NUDT3: variants seen among roughly 807,000 people sequenced by gnomAD.
NUDT3 encodes diphosphoinositol polyphosphate phosphohydrolase 1.
A neutral mutation model predicts 23.6 loss-of-function variants in NUDT3; 9 were observed. The ratio of observed to expected loss-of-function variants is 0.38; its 90% CI spans 0.23 to 0.66. The LOEUF (loss-of-function observed/expected upper bound fraction) is 0.66, where lower values mean the gene tolerates loss of function less well. Among genes scored for constraint, NUDT3 ranks in the 30% least tolerant of loss-of-function variants. The probability of loss-of-function intolerance (pLI) is 0.52; values close to 1 mark genes in which losing one functional copy is unlikely to be tolerated. For synonymous variants in NUDT3, 86 were observed against 82.6 expected (o/e 1.04, Z -0.22); for missense variants, 172 against 218.5 (o/e 0.79, Z 1.34).
intron 1 of NUDT3, among the ~76,000 whole-genome samples, chr6:34,362,260 G>C (rs915620291): frequency 2.6e-5 from 4 of 152,206 alleles, no homozygotes; most frequent in African/African-American, 4.8e-5. Context: ...CCTCAGGCTA[G>C]AGTGCAGTGG....
intron 1 of NUDT3, among the ~76,000 whole-genome samples, chr6:34,366,895 TA>T (rs1317209686): frequency 1.3e-5 from 2 of 151,346 alleles, no homozygotes; most frequent in East Asian, 2.0e-4. Context: ...TTACCACAAT[TA>T]AAAAAAAATT....
intron 1 of NUDT3, among the ~76,000 whole-genome samples, chr6:34,353,083 G>A (rs974436736): frequency 3.3e-5 from 5 of 152,066 alleles, no homozygotes; most frequent in African/African-American, 1.2e-4. Context: ...TGTCCCAAGA[G>A]GCACTTCTTG....
chr6:34,346,881 G>GT (rs1561913799), intron 1 of NUDT3, among the ~76,000 whole-genome samples: 1 of 152,080 alleles, frequency 6.6e-6, no homozygotes, highest in African/African-American at 2.4e-5. Context: ...TCAGCCTCCC[G>GT]AGTAGCTGGG....
intron 1 of NUDT3, among the ~76,000 whole-genome samples, chr6:34,376,828 T>C (rs952427964): frequency 1.3e-5 from 2 of 152,034 alleles, no homozygotes; most frequent in Non-Finnish European, 2.9e-5. Context: ...CTCCTCATTA[T>C]CTCAAATCAA....
chr6:34,326,428 A>G (rs1433246176), intron 2 of NUDT3, among the ~76,000 whole-genome samples: 2 of 152,226 alleles, frequency 1.3e-5, no homozygotes, highest in African/African-American at 4.8e-5. Flanking sequence ...AACACAGCTC[A>G]TTCATTTAAT....
chr6:34,380,583 A>T (rs2113767142), intron 1 of NUDT3, among the ~76,000 whole-genome samples: 1 of 152,320 alleles, frequency 6.6e-6, no homozygotes, highest in South Asian at 2.1e-4. Context: ...GAAATCATGA[A>T]GGATTTTCCT....
rs1554149026 is a variant in NUDT3, at chr6:34,297,731, A to AAAAT, written c.211-2047_211-2046insATTT. On this transcript the variant is annotated intron_variant, in intron 2 of 4. Transcript: ENST00000607016. ...ACCCGGCTAATGTAAAAAAAAAAAA[A>AAAAT]TATATATATATATATATATATATAT... Among the ~76,000 whole-genome samples the AAAAT allele has an allele frequency of 2.6e-4, 7 of 26,562 alleles. No homozygotes were observed. The East Asian group carries it at 6.8e-3, about 26-fold the overall frequency. 17.4% of individuals were successfully genotyped at this position (26,562 alleles called of 152,430 possible). A position where few individuals can be genotyped will look rare whatever the true frequency, so the allele number is the denominator to read the frequency against.
At chr6:34,342,190 C>T (rs1442433699) in intron 1 of NUDT3, among the ~76,000 whole-genome samples, 4 of 151,698 alleles carry the variant, frequency 2.6e-5, no homozygotes, top group East Asian at 1.9e-4. Flanking sequence ...TATCTCTACA[C>T]TCCCCTCAGA....
At position 34,364,533 on chromosome 6, in the gene NUDT3, G is replaced by A. The variant is rs187388261; in HGVS notation, c.100-22561C>T. On this transcript the variant is annotated intron_variant, in intron 1 of 4. Transcript: ENST00000607016. ...TTAAAACAACAACAACAACAACAACGGAACAAATCTAAACAACGGGAAGTC... is the reference window on the plus strand; with the variant it reads ...TTAAAACAACAACAACAACAACAACAGAACAAATCTAAACAACGGGAAGTC... Among the ~76,000 whole-genome samples the A allele has an allele frequency of 4.1e-3, 622 of 152,092 alleles. 7 individuals are homozygous for A. The highest frequency in any genetic ancestry group is 0.014 in the African/African-American group (568 of 41,480).
chr6:34,379,864 G>A (rs904695440), intron 1 of NUDT3, among the ~76,000 whole-genome samples: 5 of 151,876 alleles, frequency 3.3e-5, no homozygotes, highest in Admixed American at 6.6e-5. Context: ...AAAATTAGCC[G>A]GATGGGGTGG....
At chr6:34,386,428 C>G (rs1214888835) in intron 1 of NUDT3, among the ~76,000 whole-genome samples, 1 of 152,180 alleles carries the variant, frequency 6.6e-6, no homozygotes, top group Non-Finnish European at 1.5e-5. Flanking sequence ...CCATTAGACT[C>G]TAAGCTCCCT....
At chr6:34,372,567 G>C (rs1764848364) in intron 1 of NUDT3, among the ~76,000 whole-genome samples, 1 of 151,778 alleles carries the variant, frequency 6.6e-6, no homozygotes, top group African/African-American at 2.4e-5. Flanking sequence ...CACTTTGAGA[G>C]GCCAAGGTGG....
chr6:34,332,548 C>T (rs560016255), intron 2 of NUDT3, among the ~76,000 whole-genome samples: 160 of 152,242 alleles, frequency 1.1e-3, no homozygotes, highest in African/African-American at 3.8e-3. Flanking sequence ...TAAATGAACC[C>T]GTGCAGTTCA....
chr6:34,378,297 T>C (rs1443407808), intron 1 of NUDT3, among the ~76,000 whole-genome samples: 3 of 152,056 alleles, frequency 2.0e-5, no homozygotes, highest in Non-Finnish European at 4.4e-5. Flanking sequence ...AGCAAGATCC[T>C]GACTTGGGGG....
In NUDT3 at chr6:34,346,950, T is replaced by C. The variant is rs377580699; in HGVS notation, c.100-4978A>G. Among the ~76,000 whole-genome samples, 11 of 152,234 alleles carry C rather than the reference T, an allele frequency of 7.2e-5. No homozygotes were observed. The East Asian group carries it at 2.1e-3, about 29-fold the overall frequency. On this transcript the variant is annotated intron_variant, in intron 1 of 4. Transcript: ENST00000607016. ...TTTAAATTTTTTAAACTTCATTTTT[T>C]AGAGATGGGGGTCTCACTATGTTGG... is the stretch of plus-strand genomic sequence containing the variant.
chr6:34,364,287 A>G (rs1421348198), intron 1 of NUDT3, among the ~76,000 whole-genome samples: 1 of 152,250 alleles, frequency 6.6e-6, no homozygotes, highest in Non-Finnish European at 1.5e-5. Context: ...TATTGTAAAT[A>G]TAACTGAATA....
At chr6:34,319,130 A>C (rs537970809) in intron 2 of NUDT3, among the ~76,000 whole-genome samples, 1 of 152,048 alleles carries the variant, frequency 6.6e-6, no homozygotes, top group Non-Finnish European at 1.5e-5. Flanking sequence ...CACACCAAAC[A>C]ATCAACACAG....
chr6:34,286,461 G>T lies in NUDT3; in HGVS notation c.*2292C>A, dbSNP rs373848870. 6.6e-6 allele frequency: 1 copy of T among 152,264 alleles called. No individual in the cohort carries two copies. The highest frequency in any genetic ancestry group is 1.9e-4 in the East Asian group (1 of 5,190). The allele number at this position is 152,264 out of a possible 1,614,324, so 9.4% of individuals were successfully genotyped here. A position where few individuals can be genotyped will look rare whatever the true frequency, so the allele number is the denominator to read the frequency against. On this transcript the variant is annotated 3_prime_UTR_variant, in exon 5 of 5. Transcript: ENST00000607016. Reference sequence around the variant, plus strand: ...CATACCATAAAGGTAGAATTTATCTGGAAGAATGTGTTTTTTGAATTCCAC... The same window carrying T: ...CATACCATAAAGGTAGAATTTATCTTGAAGAATGTGTTTTTTGAATTCCAC...
At chr6:34,331,843 G>C (rs1382621503) in intron 2 of NUDT3, among the ~76,000 whole-genome samples, 2 of 152,056 alleles carry the variant, frequency 1.3e-5, no homozygotes, top group African/African-American at 2.4e-5. Flanking sequence ...CAAGTTGGTA[G>C]GGTGCCAACT....
Sources: allele counts gnomAD v4.1 joint callset (sites outside exome capture counted in the v4.1 genomes callset), GRCh38; gene constraint gnomAD v4.1.1; transcripts MANE v1.5; gene names NCBI Gene and HGNC (gene_info 2026-07-23, HGNC 2026-07-21).